The following CACNA1C variants were observed in gnomAD, a reference collection of about 807,000 sequenced individuals.
The protein encoded by CACNA1C is calcium voltage-gated channel subunit alpha1 C, also known as voltage-dependent L-type calcium channel subunit alpha-1C.
A neutral mutation model predicts 229.0 loss-of-function variants in CACNA1C; 30 were observed. The observed-to-expected ratio is 0.13, with a 90% CI of 0.10 to 0.18. The LOEUF (loss-of-function observed/expected upper bound fraction) is 0.18. CACNA1C is among the 10% of genes least tolerant of loss of function. The pLI is 1.00. For missense variants in CACNA1C, 1,658 were observed against 2,845.0 expected, an observed-to-expected ratio of 0.58 and a Z score of 9.49; for synonymous variants, 1,114 against 1,132.5, an observed-to-expected ratio of 0.98 and a Z score of 0.33.
chr12:2,518,420 AAC>A (rs2099802316), intron 9 of CACNA1C, among the ~76,000 whole-genome samples: 1 of 152,126 alleles, frequency 6.6e-6, no homozygotes, highest in African/African-American at 2.4e-5. Context: ...CATCCTGGCT[AAC>A]ACAGTGAAAC....
At chr12:2,636,890 G>A (rs1292095834) in intron 30 of CACNA1C, among the ~76,000 whole-genome samples, 5 of 152,312 alleles carry the variant, frequency 3.3e-5, no homozygotes, top group South Asian at 2.1e-4. Context: ...GAGATGCTCC[G>A]GGCTGAGGCA....
chr12:2,199,081 T>C (rs1413987175), intron 3 of CACNA1C, among the ~76,000 whole-genome samples: 5 of 152,162 alleles, frequency 3.3e-5, no homozygotes, highest in Admixed American at 3.3e-4. Flanking sequence ...TGATAGACTT[T>C]TAAGCGTGAA....
chr12:2,330,723 A>T (rs1409271799), intron 3 of CACNA1C, among the ~76,000 whole-genome samples: 1 of 152,264 alleles, frequency 6.6e-6, no homozygotes, highest in Non-Finnish European at 1.5e-5. Flanking sequence ...CAACAATGAT[A>T]AATCAGTGAT....
intron 3 of CACNA1C, among the ~76,000 whole-genome samples, chr12:2,194,436 A>G (rs556780556): frequency 1.5e-5 from 2 of 136,676 alleles, no homozygotes; most frequent in Admixed American, 8.3e-5. Flanking sequence ...CTGAGCAGCC[A>G]TATTACATAG....
chr12:2,164,179 C>T (rs2096081212), intron 3 of CACNA1C, among the ~76,000 whole-genome samples: 1 of 152,220 alleles, frequency 6.6e-6, no homozygotes, highest in Non-Finnish European at 1.5e-5. Flanking sequence ...AGAATATCCC[C>T]TTGCACCATT....
At chr12:2,025,436 C>T (rs1005887737) in intron 1 of CACNA1C, among the ~76,000 whole-genome samples, 4 of 152,196 alleles carry the variant, frequency 2.6e-5, no homozygotes, top group African/African-American at 4.8e-5. Context: ...CACCTTTTCC[C>T]GTTCCAGCTC....
intron 18 of CACNA1C, among the ~76,000 whole-genome samples, chr12:2,590,016 G>A (rs112760332): frequency 0.029 from 4,352 of 152,282 alleles, 89 homozygotes; most frequent in Middle Eastern, 0.044. Flanking sequence ...TGCTCCGGGT[G>A]TCTGGCCCTT....
intron 1 of CACNA1C, among the ~76,000 whole-genome samples, chr12:1,997,433 T>G (rs1000064599): frequency 2.0e-5 from 3 of 152,168 alleles, no homozygotes; most frequent in Non-Finnish European, 1.5e-5. Flanking sequence ...GGCAGGAGAA[T>G]CACTTGAACT....
chr12:2,669,161 CGGG>C (rs892670083), intron 38 of CACNA1C, 126 bp downstream of exon 38: 12 of 730,214 alleles, frequency 1.6e-5, no homozygotes, highest in Admixed American at 7.7e-5. Context: ...AGCTGGGATA[CGGG>C]GGTAACGTGC....
At chr12:2,663,898 C>T (rs892590820) in intron 34 of CACNA1C, among the ~76,000 whole-genome samples, 9 of 152,134 alleles carry the variant, frequency 5.9e-5, no homozygotes, top group East Asian at 5.8e-4. Context: ...CCCACCACCG[C>T]GCCCGGCTAA....
chr12:2,495,226 A>G (rs1376217790), intron 7 of CACNA1C, among the ~76,000 whole-genome samples: 1 of 152,254 alleles, frequency 6.6e-6, no homozygotes, highest in African/African-American at 2.4e-5. Context: ...AGCAAAGCAG[A>G]CAAAATTCCC....
chr12:2,210,482 C>T (rs1205021848), intron 3 of CACNA1C, among the ~76,000 whole-genome samples: 1 of 152,144 alleles, frequency 6.6e-6, no homozygotes, highest in Non-Finnish European at 1.5e-5. Context: ...TAGGAGGAAG[C>T]CTGGGATTGA....
intron 11 of CACNA1C, among the ~76,000 whole-genome samples, chr12:2,565,182 A>G (rs1303131267): frequency 2.6e-5 from 4 of 152,018 alleles, no homozygotes; most frequent in Non-Finnish European, 4.4e-5. Flanking sequence ...AAAATACCCA[A>G]CCCCGGCCGG....
chr12:2,302,250 C>T (rs1433963630), intron 3 of CACNA1C, among the ~76,000 whole-genome samples: 4 of 151,958 alleles, frequency 2.6e-5, no homozygotes, highest in East Asian at 3.9e-4. Context: ...CTGGGACTTT[C>T]GGATGGAGGA....
intron 13 of CACNA1C, among the ~76,000 whole-genome samples, chr12:2,571,693 T>C (rs1053526835): frequency 1.3e-5 from 2 of 151,688 alleles, no homozygotes; most frequent in African/African-American, 4.9e-5. Context: ...ACAGAAAAAA[T>C]CATTGTCTAA....
intron 3 of CACNA1C, among the ~76,000 whole-genome samples, chr12:2,294,942 C>A (rs573344396): frequency 6.6e-6 from 1 of 152,124 alleles, no homozygotes; most frequent in African/African-American, 2.4e-5. Context: ...CAATGCTGTG[C>A]GCACAGTTCT....
intron 3 of CACNA1C, among the ~76,000 whole-genome samples, chr12:2,160,854 G>C (rs112999050): frequency 2.0e-5 from 3 of 152,254 alleles, no homozygotes; most frequent in African/African-American, 7.2e-5. Flanking sequence ...CGGAGTCTTG[G>C]TCTGTCACCC....
rs555869519 is a variant in CACNA1C, at chr12:2,479,848, G to C, written c.758-6256G>C. 5.3e-5 allele frequency among the ~76,000 whole-genome samples: 8 copies of C among 152,286 alleles called. 2 individuals are homozygous for C. The highest frequency in any genetic ancestry group is 1.9e-4 in the East Asian group (1 of 5,172). Reference sequence around the variant, plus strand: ...TGACTCGCCATTTCTTTTCATCCAGGCTTTCCGTATTGGCAGAATCTCACA... The same window carrying C: ...TGACTCGCCATTTCTTTTCATCCAGCCTTTCCGTATTGGCAGAATCTCACA... On this transcript the variant is annotated intron_variant, in intron 5 of 46. Transcript: ENST00000399655. The surrounding 1 kb of genome is among the most constrained non-coding windows in gnomAD (Gnocchi z 4.3).
In CACNA1C at chr12:2,595,761, G is replaced by C; in HGVS notation, c.2664-113G>C. 1 of 961,588 alleles carries C rather than the reference G, an allele frequency of 1.0e-6. No individual in the cohort carries two copies. The highest frequency in any genetic ancestry group is 1.7e-5 in the South Asian group (1 of 58,590). 59.6% of individuals were successfully genotyped at this position (961,588 alleles called of 1,614,324 possible). A position where few individuals can be genotyped will look rare whatever the true frequency, so the allele number is the denominator to read the frequency against. The stretch of plus-strand genomic sequence containing the variant: ...TGAAGAGGTCACTTCAGGCCAACAA[G>C]CACCTGTTGCCAGCTGCTGGGGAGA... On this transcript the variant is annotated intron_variant, in intron 19 of 46. Coordinates refer to ENST00000399655, the MANE Select transcript of CACNA1C (RefSeq NM_000719.7). This position sits in a 1 kb window ranked among gnomAD's most constrained non-coding sequence, Gnocchi z 4.1.
Sources: gnomAD v4.1 joint callset for allele counts (sites outside exome capture counted in the v4.1 genomes callset) on GRCh38, gnomAD v4.1.1 for gene constraint, Gnocchi (gnomAD v3.1) non-coding constraint, MANE v1.5 for transcripts, NCBI Gene and HGNC (gene_info 2026-07-23, HGNC 2026-07-21) for gene names.